The following DPY19L4 variants were observed in gnomAD, a reference collection of about 807,000 sequenced individuals.
The protein encoded by DPY19L4 is dpy-19 like 4.
A neutral mutation model predicts 102.8 loss-of-function variants in DPY19L4; 97 were observed. The observed-to-expected ratio is 0.94, with a 90% CI of 0.80 to 1.12. The LOEUF is 1.12. Ranked by LOEUF, DPY19L4 falls within the 50% of genes most tolerant of loss-of-function variation. The pLI is 0.00. For missense variants in DPY19L4, 815 were observed against 850.4 expected (o/e 0.96, Z 0.52); for synonymous variants, 252 against 283.1 (o/e 0.89, Z 1.10).
chr8:94,743,310 G>A (rs1467881800), intron 6 of DPY19L4, among the ~76,000 whole-genome samples: 17 of 152,188 alleles, frequency 1.1e-4, no homozygotes, highest in Admixed American at 8.5e-4. Flanking sequence ...GATTACAGGC[G>A]TGAGCCACTG....
At position 94,791,156 on chromosome 8, in the gene DPY19L4, T is replaced by C. The variant is rs146945916; in HGVS notation, c.*1246T>C. The C allele has an allele frequency of 6.6e-6, 1 of 152,268 alleles. No homozygotes were observed. Among genetic ancestry groups the C allele is most frequent in the East Asian group, 1.9e-4 (1 of 5,190 alleles). 9.4% of individuals were successfully genotyped at this position (152,268 alleles called of 1,614,324 possible). ...TGTTCAGTGAACAGATTTTCATAAT[T>C]CTCACTTGTTAAAGTGCTGCAAAAA... is the stretch of plus-strand genomic sequence containing the variant. On this transcript the variant is annotated 3_prime_UTR_variant, in exon 19 of 19. Transcript: ENST00000414645.
At chr8:94,765,923 T>A in intron 10 of DPY19L4, 114 bp downstream of exon 10, 1 of 656,402 alleles carries the variant, frequency 1.5e-6, no homozygotes, top group Non-Finnish European at 2.5e-6. Flanking sequence ...ACAGTATAAT[T>A]TTGAGTTAAA....
chr8:94,773,143 G>A (rs758592622), intron 13 of DPY19L4, among the ~76,000 whole-genome samples: 1 of 151,220 alleles, frequency 6.6e-6, no homozygotes, highest in Non-Finnish European at 1.5e-5. Flanking sequence ...GAACCCGGGA[G>A]GCGGAGATTG....
At chr8:94,766,442 G>A (rs555262757) in intron 10 of DPY19L4, among the ~76,000 whole-genome samples, 170 bp from the exon 11 acceptor site, 2 of 152,258 alleles carry the variant, frequency 1.3e-5, no homozygotes, top group African/African-American at 4.8e-5. Flanking sequence ...TAAGGTCATG[G>A]GATTGATTTA....
At position 94,787,887 on chromosome 8, in the gene DPY19L4, C is replaced by A. The variant is rs749460845; in HGVS notation, c.1849-7C>A. ...CTTTCAGTTTTATTTTAATTATATTCTTTCAGATCTACCAAATCTATTCAA... is the reference window on the plus strand; with the variant it reads ...CTTTCAGTTTTATTTTAATTATATTATTTCAGATCTACCAAATCTATTCAA... On this transcript the variant is annotated splice_region_variant and splice_polypyrimidine_tract_variant and intron_variant, in intron 17 of 18. Coordinates refer to ENST00000414645, the MANE Select transcript of DPY19L4 (RefSeq NM_181787.3). 15 of 1,336,660 alleles carry A rather than the reference C, an allele frequency of 1.1e-5. No individual in the cohort carries two copies. The highest frequency in any genetic ancestry group is 2.9e-5 in the Admixed American group (1 of 34,466). 82.8% of individuals were successfully genotyped at this position (1,336,660 alleles called of 1,614,324 possible).
In DPY19L4 at chr8:94,744,974, T is replaced by C. The variant is rs117173478; in HGVS notation, c.611+5184T>C. On this transcript the variant is annotated intron_variant, in intron 6 of 18. Coordinates refer to ENST00000414645, the MANE Select transcript of DPY19L4 (RefSeq NM_181787.3). ...TCTTGTACTGCAAAATACATTTTAA[T>C]GCCATGAAAGAATATGCTGTCTCTT... 7.5e-3 allele frequency: 1,273 copies of C among 169,556 alleles called. 10 individuals are homozygous for C. The highest frequency in any genetic ancestry group is 8.7e-3 in the Non-Finnish European group (672 of 77,030). 10.5% of individuals were successfully genotyped at this position (169,556 alleles called of 1,614,324 possible).
At chr8:94,787,405 G>A (rs577350557) in intron 17 of DPY19L4, among the ~76,000 whole-genome samples, 5 of 152,200 alleles carry the variant, frequency 3.3e-5, no homozygotes, top group Non-Finnish European at 4.4e-5. Context: ...GTCAGTGGAC[G>A]TGGGAACTGA....
intron 13 of DPY19L4, among the ~76,000 whole-genome samples, chr8:94,777,457 T>C (rs1813234964): frequency 6.6e-6 from 1 of 152,234 alleles, no homozygotes; most frequent in South Asian, 2.1e-4. Context: ...AATGCTTTTA[T>C]TTTATCCTAA....
intron 6 of DPY19L4, among the ~76,000 whole-genome samples, chr8:94,753,282 A>G (rs1812026236): frequency 6.6e-6 from 1 of 152,230 alleles, no homozygotes; most frequent in Non-Finnish European, 1.5e-5. Context: ...AATACATTTA[A>G]GTTTAAAAAG....
chr8:94,730,347 T>C (rs1049807933), intron 2 of DPY19L4, among the ~76,000 whole-genome samples: 4 of 152,222 alleles, frequency 2.6e-5, no homozygotes, highest in African/African-American at 4.8e-5. Context: ...TTTTAAGAGT[T>C]TGAGACCAGG....
intron 1 of DPY19L4, among the ~76,000 whole-genome samples, chr8:94,723,943 T>C (rs189753623): frequency 1.3e-5 from 2 of 152,336 alleles, no homozygotes; most frequent in African/African-American, 4.8e-5. Flanking sequence ...ACTTCATAAA[T>C]TACTTGAAAA....
At chr8:94,779,372 G>C (rs1813330322) in intron 14 of DPY19L4, among the ~76,000 whole-genome samples, 1 of 150,782 alleles carries the variant, frequency 6.6e-6, no homozygotes, top group Non-Finnish European at 1.5e-5. Context: ...TCCCAGGCTG[G>C]AGTGCAGTGG....
intron 3 of DPY19L4, among the ~76,000 whole-genome samples, chr8:94,735,985 A>C (rs1811173030): frequency 6.6e-6 from 1 of 152,214 alleles, no homozygotes; most frequent in African/African-American, 2.4e-5. Context: ...ATAAGCTTAT[A>C]AACAACAGAA....
In DPY19L4 at chr8:94,746,652, T is replaced by C. The variant is rs574914224; in HGVS notation, c.611+6862T>C. Among the ~76,000 whole-genome samples, 60 of 152,320 alleles carry C rather than the reference T, an allele frequency of 3.9e-4. No homozygotes were observed. In the South Asian group the frequency reaches 0.012, roughly 30 times the overall value. The stretch of plus-strand genomic sequence containing the variant: ...GGATTCATGTGTTGACTTAAATAAT[T>C]TGAATTATAATGCTACTTAAATATA... On this transcript the variant is annotated intron_variant, in intron 6 of 18. Transcript: ENST00000414645.
intron 6 of DPY19L4, 82 bp downstream of exon 6, chr8:94,739,872 A>G (rs1811367860): frequency 1.3e-6 from 2 of 1,498,960 alleles, no homozygotes; most frequent in Admixed American, 1.8e-5. Context: ...CCCCTCCCCA[A>G]CAGTCCTCAC....
chr8:94,736,238 CT>C (rs1563576787), intron 3 of DPY19L4, among the ~76,000 whole-genome samples: 1 of 152,178 alleles, frequency 6.6e-6, no homozygotes, highest in Non-Finnish European at 1.5e-5. Context: ...AGACATCCCA[CT>C]TCCAAATATC....
intron 1 of DPY19L4, among the ~76,000 whole-genome samples, chr8:94,725,730 G>T (rs913158552): frequency 1.3e-5 from 2 of 152,160 alleles, no homozygotes; most frequent in Admixed American, 1.3e-4. Flanking sequence ...CCGCCTTCTG[G>T]GTTCACGCCA....
chr8:94,721,051 A>T (rs1810437508), intron 1 of DPY19L4, among the ~76,000 whole-genome samples: 13 of 152,062 alleles, frequency 8.5e-5, no homozygotes. Flanking sequence ...GATTCAAGCG[A>T]TTCTCCTGCC....
At position 94,789,967 on chromosome 8, in the gene DPY19L4, A is replaced by G; in HGVS notation, c.*57A>G. The G allele has an allele frequency of 6.6e-7, 1 of 1,521,608 alleles. No individual in the cohort carries two copies. Among genetic ancestry groups the G allele is most frequent in the Non-Finnish European group, 8.9e-7 (1 of 1,122,372 alleles). The allele number at this position is 1,521,608 out of a possible 1,614,324, so 94.3% of individuals were successfully genotyped here. ...CTGAAGTAAAATGCAGTTTTCTTCT[A>G]CCTACTCGGTGTCTTTTGCAGATCA... On this transcript the variant is annotated 3_prime_UTR_variant, in exon 19 of 19. Coordinates refer to ENST00000414645, the MANE Select transcript of DPY19L4 (RefSeq NM_181787.3).
Sources: allele counts gnomAD v4.1 joint callset (sites outside exome capture counted in the v4.1 genomes callset), GRCh38; gene constraint gnomAD v4.1.1; transcripts MANE v1.5; gene names NCBI Gene and HGNC (gene_info 2026-07-23, HGNC 2026-07-21).